Variants in SPSB1 observed in about 807,000 individuals in gnomAD.
SPSB1 encodes SPRY domain-containing SOCS box protein 1.
A neutral mutation model predicts 21.2 loss-of-function variants in SPSB1; 8 were observed. The ratio of observed to expected loss-of-function variants is 0.38; its 90% CI spans 0.22 to 0.68. SPSB1 has a LOEUF of 0.68. SPSB1 is among the 30% of genes least tolerant of loss of function. The pLI is 0.53. For synonymous variants in SPSB1, 169 were observed against 161.7 expected, an observed-to-expected ratio of 1.05 and a Z score of -0.34; for missense variants, 242 against 377.8, an observed-to-expected ratio of 0.64 and a Z score of 2.98.
At chr1:9,355,714 C>T (rs1486822328) in intron 1 of SPSB1, 29 bp from the exon 2 acceptor site, 2 of 1,345,604 alleles carry the variant, frequency 1.5e-6, no homozygotes, top group African/African-American at 2.9e-5. Context: ...CAGTCCTGCT[C>T]ACCGGTTGTT....
At position 9,348,938 on chromosome 1, in the gene SPSB1, TGTGTG is replaced by T. The variant is rs1452404449; in HGVS notation, c.-149-6804_-149-6800del. Among the ~76,000 whole-genome samples, 4 of 3,150 alleles carry T rather than the reference TGTGTG, an allele frequency of 1.3e-3. No individual in the cohort carries two copies. Among genetic ancestry groups the T allele is most frequent in the Middle Eastern group, 0.12 (1 of 8 alleles). The allele number at this position is 3,150 out of a possible 152,430, so 2.1% of individuals were successfully genotyped here. ...ACATCCCCTTTCACTCGTGCAAGAA[TGTGTG>T]TGTGTGTGTGTGTGTGTGTGTATAT... On this transcript the variant is annotated intron_variant, in intron 1 of 2. Coordinates refer to ENST00000328089, the MANE Select transcript of SPSB1 (RefSeq NM_025106.4). The surrounding 1 kb of genome is among the most constrained non-coding windows in gnomAD (Gnocchi z 4.8).
chr1:9,361,156 C>CCTTTTTTTTTTTTTTTTTTTTTCTTTTTT (rs1553128958), intron 2 of SPSB1, among the ~76,000 whole-genome samples: 4 of 102,574 alleles, frequency 3.9e-5, no homozygotes, highest in Admixed American at 1.0e-4. Context: ...CTGTCATTTT[C>CCTTTTTTTTTTTTTTTTTTTTTCTTTTTT]TTTTTTTTTT....
intron 1 of SPSB1, among the ~76,000 whole-genome samples, chr1:9,343,211 G>A (rs116343896): frequency 0.013 from 1,972 of 152,142 alleles, 47 homozygotes; most frequent in African/African-American, 0.045. Context: ...AAAGAGGCTC[G>A]AGTCCCAAAA....
At chr1:9,311,802 T>G (rs1486495920) in intron 1 of SPSB1, among the ~76,000 whole-genome samples, 1 of 152,116 alleles carries the variant, frequency 6.6e-6, no homozygotes, top group Admixed American at 6.5e-5. Flanking sequence ...ATTTTCTCCC[T>G]GAAAAGGTGG....
Position 9,356,308 on chromosome 1 carries a change from C to G in SPSB1, c.417C>G (p.Ser139=). 1 of 1,613,808 alleles carries G rather than the reference C, an allele frequency of 6.2e-7. No individual in the cohort carries two copies. The highest frequency in any genetic ancestry group is 8.5e-7 in the Non-Finnish European group (1 of 1,180,036). ...YTTLVGNNHE[S]WGWDLGRNRL... ...CCCTCGTGGGGAATAACCACGAGTC[C>G]TGGGGCTGGGACTTGGGGCGCAACC... The change falls in exon 2 of 3, where the codon TCC becomes TCG. Residue 139 remains serine (S), a synonymous_variant. Transcript: ENST00000328089. The surrounding 1 kb of genome is among the most constrained non-coding windows in gnomAD (Gnocchi z 7.4).
chr1:9,327,092 G>A (rs1049239430), intron 1 of SPSB1, among the ~76,000 whole-genome samples: 2 of 152,132 alleles, frequency 1.3e-5, no homozygotes, highest in East Asian at 1.9e-4. Context: ...ATCTGCCGTC[G>A]TTTCGTGGGG....
At chr1:9,312,471 C>T (rs929019371) in intron 1 of SPSB1, among the ~76,000 whole-genome samples, 3 of 152,180 alleles carry the variant, frequency 2.0e-5, no homozygotes, top group Admixed American at 6.5e-5. Flanking sequence ...TAAATGTACA[C>T]ATTGATGATT....
rs955427588 is a variant in SPSB1, at chr1:9,363,318, A to G, written c.695-4130A>G. On this transcript the variant is annotated intron_variant, in intron 2 of 2. Transcript: ENST00000328089. This position sits in a 1 kb window ranked among gnomAD's most constrained non-coding sequence, Gnocchi z 4.5. ...ACTCTGGTCCTATTTTCAGCTCATAACACATCACTGCAGCCATTCACTGCC... is the reference window on the plus strand; with the variant it reads ...ACTCTGGTCCTATTTTCAGCTCATAGCACATCACTGCAGCCATTCACTGCC... Among the ~76,000 whole-genome samples, 1 of 151,830 alleles carries G rather than the reference A, an allele frequency of 6.6e-6. No homozygotes were observed. The highest frequency in any genetic ancestry group is 1.5e-5 in the Non-Finnish European group (1 of 67,974).
intron 1 of SPSB1, among the ~76,000 whole-genome samples, chr1:9,309,292 G>A (rs1229257024): frequency 1.7e-5 from 2 of 114,708 alleles, no homozygotes; most frequent in East Asian, 4.3e-4. Context: ...GTGAGAGAGA[G>A]AGAGAGAGAG....
At chr1:9,303,499 A>T (rs1025697676) in intron 1 of SPSB1, among the ~76,000 whole-genome samples, 2 of 152,206 alleles carry the variant, frequency 1.3e-5, no homozygotes, top group East Asian at 3.8e-4. Context: ...ATTTACATGT[A>T]TATTAGGCAA....
In SPSB1 at chr1:9,363,008, G is replaced by A. The variant is rs1640505532; in HGVS notation, c.695-4440G>A. Among the ~76,000 whole-genome samples the A allele has an allele frequency of 6.6e-6, 1 of 152,234 alleles. No individual in the cohort carries two copies. The highest frequency in any genetic ancestry group is 1.5e-5 in the Non-Finnish European group (1 of 68,042). The stretch of plus-strand genomic sequence containing the variant: ...TCAGCAGGCACCTGGGTTTGTGGCT[G>A]GAGCTGGGTGCAAAGCTGGCAGCCC... On this transcript the variant is annotated intron_variant, in intron 2 of 2. Coordinates refer to ENST00000328089, the MANE Select transcript of SPSB1 (RefSeq NM_025106.4). The surrounding 1 kb of genome is among the most constrained non-coding windows in gnomAD (Gnocchi z 4.5).
rs1230058367 is a variant in SPSB1 at position 9,361,162 on chromosome 1, T to C, written c.694+4577T>C. ...TGGCTGGATCTGTCATTTTCTTTTT[T>C]TTTTTTTTTTTTTTTTTTTTTAGAG... On this transcript the variant is annotated intron_variant, in intron 2 of 2. Coordinates refer to ENST00000328089, the MANE Select transcript of SPSB1 (RefSeq NM_025106.4). Among the ~76,000 whole-genome samples the C allele has an allele frequency of 4.0e-4, 51 of 126,930 alleles. 8 individuals carry two copies. The East Asian group carries it at 4.6e-3, about 11-fold the overall frequency. 83.3% of individuals were successfully genotyped at this position (126,930 alleles called of 152,430 possible).
Position 9,367,321 on chromosome 1 carries a change from C to A in SPSB1, c.695-127C>A. 3 of 1,520,602 alleles carry A rather than the reference C, an allele frequency of 2.0e-6. No individual in the cohort carries two copies. Among genetic ancestry groups the A allele is most frequent in the South Asian group, 2.3e-5 (2 of 87,484 alleles). 94.2% of individuals were successfully genotyped at this position (1,520,602 alleles called of 1,614,324 possible). On this transcript the variant is annotated intron_variant, in intron 2 of 2. Coordinates refer to ENST00000328089, the MANE Select transcript of SPSB1 (RefSeq NM_025106.4). This position sits in a 1 kb window ranked among gnomAD's most constrained non-coding sequence, Gnocchi z 5.9. ...CTAAATTTAAAATGAAAAAGCATTG[C>A]ATTTTTCATTGTTTCTTTACTGATT...
intron 1 of SPSB1, among the ~76,000 whole-genome samples, chr1:9,355,370 A>G (rs1169706966): frequency 6.6e-6 from 1 of 152,244 alleles, no homozygotes; most frequent in African/African-American, 2.4e-5. Flanking sequence ...TTGACCAAGC[A>G]AATGCCCACT....
chr1:9,342,132 G>T (rs1191673991), intron 1 of SPSB1, among the ~76,000 whole-genome samples: 1 of 152,244 alleles, frequency 6.6e-6, no homozygotes, highest in Admixed American at 6.5e-5. Flanking sequence ...GGGTGAGCAA[G>T]CGACTCAGAG....
chr1:9,325,188 C>T (rs113233052), intron 1 of SPSB1, among the ~76,000 whole-genome samples: 127 of 151,884 alleles, frequency 8.4e-4, no homozygotes, highest in African/African-American at 2.8e-3. Context: ...AAGACCTGTA[C>T]TCCGCCCTCC....
At chr1:9,300,197 T>C (rs1160588486) in intron 1 of SPSB1, among the ~76,000 whole-genome samples, 4 of 152,192 alleles carry the variant, frequency 2.6e-5, no homozygotes, top group African/African-American at 4.8e-5. Flanking sequence ...AGGTGAAGAA[T>C]AAGTTGTTAC....
At chr1:9,320,968 T>TG (rs35091952) in intron 1 of SPSB1, among the ~76,000 whole-genome samples, 68,189 of 151,564 alleles carry the variant, frequency 0.45, 15,537 homozygotes, top group South Asian at 0.5. Flanking sequence ...CTGCTTAAAA[T>TG]CTCCTTCCCG....
chr1:9,344,891 A>G (rs962601786), intron 1 of SPSB1, among the ~76,000 whole-genome samples: 2 of 151,938 alleles, frequency 1.3e-5, no homozygotes, highest in Admixed American at 6.6e-5. Context: ...CCCAAGGACC[A>G]CTCCCAGAGG....
Sources: gnomAD v4.1 joint callset for allele counts (sites outside exome capture counted in the v4.1 genomes callset) on GRCh38, gnomAD v4.1.1 for gene constraint, Gnocchi (gnomAD v3.1) non-coding constraint, MANE v1.5 for transcripts, NCBI Gene and HGNC (gene_info 2026-07-23, HGNC 2026-07-21) for gene names.